Variants in TTBK2 observed in about 807,000 individuals in gnomAD.
TTBK2 encodes tau-tubulin kinase 2.
In TTBK2, 28 loss-of-function variants were observed where a neutral mutation model predicts 110.8. The observed-to-expected ratio is 0.25, with a 90% CI of 0.19 to 0.35. TTBK2 has a LOEUF of 0.35. Among genes scored for constraint, TTBK2 ranks in the 10% least tolerant of loss-of-function variants. The pLI is 1.00. For missense variants in TTBK2, 1,369 were observed against 1,500.3 expected (o/e 0.91, Z 1.45); for synonymous variants, 532 against 527.3 (o/e 1.01, Z -0.12).
intron 9 of TTBK2, among the ~76,000 whole-genome samples, chr15:42,800,729 T>C (rs1245901372): frequency 1.3e-5 from 2 of 152,110 alleles, no homozygotes; most frequent in African/African-American, 4.8e-5. Flanking sequence ...ACAGTCTTTT[T>C]TTTTGGCAGA....
chr15:42,891,060 G>A (rs555002334), intron 1 of TTBK2, among the ~76,000 whole-genome samples: 15 of 151,854 alleles, frequency 9.9e-5, no homozygotes, highest in Admixed American at 3.3e-4. Flanking sequence ...TGGTAGAGAC[G>A]GGGGGTTTTA....
chr15:42,771,220 GC>G (rs1420337598), intron 13 of TTBK2, among the ~76,000 whole-genome samples: 1 of 152,012 alleles, frequency 6.6e-6, no homozygotes, highest in African/African-American at 2.4e-5. Flanking sequence ...TGATCCGCCA[GC>G]CTTGGCCTCC....
At chr15:42,912,977 T>A (rs1174004168) in intron 1 of TTBK2, among the ~76,000 whole-genome samples, 1 of 143,648 alleles carries the variant, frequency 7.0e-6, no homozygotes, top group Non-Finnish European at 1.5e-5. Flanking sequence ...TACAAAAAAT[T>A]AGCCGGGCGC....
At chr15:42,904,911 G>C (rs1006429976) in intron 1 of TTBK2, among the ~76,000 whole-genome samples, 1 of 150,440 alleles carries the variant, frequency 6.6e-6, no homozygotes, top group African/African-American at 2.5e-5. Context: ...TTACTCTGTC[G>C]CCCAAGCTGT....
At chr15:42,839,190 C>A (rs1019306700) in intron 4 of TTBK2, among the ~76,000 whole-genome samples, 4 of 152,328 alleles carry the variant, frequency 2.6e-5, no homozygotes, top group Non-Finnish European at 5.9e-5. Flanking sequence ...TCAGTAAGAA[C>A]ATGCAGTATT....
intron 1 of TTBK2, among the ~76,000 whole-genome samples, chr15:42,909,794 T>C (rs139359398): frequency 2.6e-5 from 4 of 152,252 alleles, no homozygotes; most frequent in Non-Finnish European, 4.4e-5. Flanking sequence ...GATGCAAACA[T>C]AGATAGTAAG....
At position 42,805,471 on chromosome 15, in the gene TTBK2, C is replaced by A. The variant is rs535300212; in HGVS notation, c.822+5143G>T. 2.3e-4 allele frequency among the ~76,000 whole-genome samples: 35 copies of A among 152,236 alleles called. No homozygotes were observed. The South Asian group carries it at 7.3e-3, about 32-fold the overall frequency. On this transcript the variant is annotated intron_variant, in intron 9 of 14. Transcript: ENST00000267890. ...CAAGCAGTGTTATGAAACAGAGGCA[C>A]GTTCCAGGTAGGGCACACTGGGAGA...
intron 1 of TTBK2, among the ~76,000 whole-genome samples, chr15:42,896,859 A>C (rs1480356391): frequency 6.6e-6 from 1 of 151,998 alleles, no homozygotes; most frequent in Non-Finnish European, 1.5e-5. Flanking sequence ...CTATTATTAA[A>C]ATTTTTTTAA....
In TTBK2 at chr15:42,794,769, C is replaced by A; in HGVS notation, c.855G>T (p.Lys285Asn). 1 of 1,614,084 alleles carries A rather than the reference C, an allele frequency of 6.2e-7. No individual in the cohort carries two copies. ...GGTCACTCTCAATTACTCCAAAAGT[C>A]TTGATGCTATTGTCAAACACGGATG... ...LLTSVFDNSI[K>N]TFGVIESDPF... The change falls in exon 10 of 15, where the codon AAG becomes AAT. Residue 285 changes from lysine to asparagine, a missense_variant. By Grantham distance (94) the Lys-to-Asn change is moderately conservative. Transcript: ENST00000267890.
At chr15:42,763,805 A>C (rs950842709) in intron 13 of TTBK2, among the ~76,000 whole-genome samples, 1 of 152,188 alleles carries the variant, frequency 6.6e-6, no homozygotes, top group African/African-American at 2.4e-5. Flanking sequence ...AAAGGTGGGC[A>C]AAACTAAAAA....
intron 13 of TTBK2, among the ~76,000 whole-genome samples, chr15:42,763,157 CATATATATATATATATATATATATAT>C (rs1567008803): frequency 9.8e-5 from 2 of 20,464 alleles, no homozygotes; most frequent in Non-Finnish European, 1.6e-4. Context: ...TATATATATA[CATATATATATATATATATATATATAT>C]ATATATATAT....
chr15:42,833,290 A>AATGTG (rs1277692973), intron 4 of TTBK2, among the ~76,000 whole-genome samples: 16 of 151,512 alleles, frequency 1.1e-4, no homozygotes, highest in African/African-American at 3.6e-4. Context: ...TATATATAGT[A>AATGTG]ATGTGGAATG....
rs71108183 is a variant in TTBK2, at chr15:42,815,958, A to AAATATATATATATAT, written c.603+1073_603+1074insATATATATATATATT. Reference sequence around the variant, plus strand: ...TATATATATATATATTTAAAAAAAAAATATATATATATATATATATTTGAG... The same window carrying AAATATATATATATAT: ...TATATATATATATATTTAAAAAAAAAAATATATATATATATATATATATATATATATATATTTGAG... On this transcript the variant is annotated intron_variant, in intron 7 of 14. Transcript: ENST00000267890. Among the ~76,000 whole-genome samples, 899 of 91,658 alleles carry AAATATATATATATAT rather than the reference A, an allele frequency of 9.8e-3. 13 individuals carry two copies. Among genetic ancestry groups the AAATATATATATATAT allele is most frequent in the Non-Finnish European group, 0.011 (591 of 53,616 alleles). The allele number at this position is 91,658 out of a possible 152,430, so 60.1% of individuals were successfully genotyped here.
chr15:42,747,462 G>C (rs1399509310), intron 14 of TTBK2, among the ~76,000 whole-genome samples: 1 of 152,172 alleles, frequency 6.6e-6, no homozygotes, highest in Non-Finnish European at 1.5e-5. Context: ...TCCACGATGG[G>C]GGGAGGAGGG....
At position 42,775,250 on chromosome 15, in the gene TTBK2, G is replaced by C; in HGVS notation, c.1883C>G (p.Ala628Gly). The C allele has an allele frequency of 1.2e-6, 2 of 1,614,226 alleles. No homozygotes were observed. Among genetic ancestry groups the C allele is most frequent in the Non-Finnish European group, 1.7e-6 (2 of 1,180,038 alleles). ...CCTATCTGTATATTGTTCTGAAGCA[G>C]CAGTAGGAGGACCCTCTGCAGAAAG... ...LALSAEGPPTAASEQYTDRLE... is the reference protein window; with the variant it reads ...LALSAEGPPTGASEQYTDRLE... Residue 628 changes from alanine (A) to glycine (G), a missense_variant, in exon 13 of 15, where the codon GCT (alanine) becomes GGT (glycine). Ala to Gly is a moderately conservative substitution (Grantham distance 60). Around this residue, in one of 4 missense-constraint regions of TTBK2, gnomAD observed 1,097 missense variants for 1,114.7 expected, o/e 0.98. Coordinates refer to ENST00000267890, the MANE Select transcript of TTBK2 (RefSeq NM_173500.4).
At chr15:42,899,954 C>T (rs2029892867) in intron 1 of TTBK2, among the ~76,000 whole-genome samples, 2 of 151,684 alleles carry the variant, frequency 1.3e-5, no homozygotes, top group South Asian at 4.2e-4. Context: ...GAGCAAGACT[C>T]TGTCTCAAAA....
At chr15:42,824,597 G>C (rs1892449114) in intron 6 of TTBK2, among the ~76,000 whole-genome samples, 1 of 152,118 alleles carries the variant, frequency 6.6e-6, no homozygotes, top group Non-Finnish European at 1.5e-5. Flanking sequence ...TCAATTAACA[G>C]ACCAACTACT....
rs375045936 is a variant in TTBK2 at position 42,810,700 on chromosome 15, G to T, written c.736C>A (p.Leu246Ile). Residue 246 changes from leucine (L) to isoleucine (I), a missense_variant, in exon 9 of 15, where the codon CTC becomes ATC. Around this residue, in one of 4 missense-constraint regions of TTBK2, gnomAD observed 138 missense variants for 179.0 expected, o/e 0.77. Transcript: ENST00000267890. ...TCTGGAGGGAGATGTTTCAACATGA[G>T]CCTGTGGTCATATCTCTCCTTAATA... ...GSIKERYDHR[L>I]MLKHLPPEFS... 3 of 1,613,726 alleles carry T rather than the reference G, an allele frequency of 1.9e-6. No individual in the cohort carries two copies. The highest frequency in any genetic ancestry group is 2.5e-6 in the Non-Finnish European group (3 of 1,179,896).
chr15:42,809,993 C>T (rs528469813), intron 9 of TTBK2, among the ~76,000 whole-genome samples: 3 of 152,144 alleles, frequency 2.0e-5, no homozygotes, highest in South Asian at 2.1e-4. Context: ...TATGTGTGGC[C>T]GCATTTATGT....
Sources: allele counts gnomAD v4.1 joint callset (sites outside exome capture counted in the v4.1 genomes callset), GRCh38; gene constraint gnomAD v4.1.1; regional missense constraint gnomAD v4.1.1; transcripts MANE v1.5; gene names NCBI Gene and HGNC (gene_info 2026-07-23, HGNC 2026-07-21).